Variants in DPP10 observed in about 807,000 individuals in gnomAD.
DPP10 encodes dipeptidyl peptidase like 10, also known as inactive dipeptidyl peptidase 10.
A neutral mutation model predicts 120.9 loss-of-function variants in DPP10; 33 were observed. That is an observed-to-expected ratio of 0.27 (90% CI 0.21 to 0.37). The LOEUF (loss-of-function observed/expected upper bound fraction) is 0.37. DPP10 is among the 10% of genes least tolerant of loss of function. The pLI is 1.00. For synonymous variants in DPP10, 337 were observed against 326.1 expected (o/e 1.03, Z -0.36); for missense variants, 816 against 942.8 (o/e 0.87, Z 1.76).
chr2:114,589,050 A>AGGGGG (rs1435524491), intron 1 of DPP10, among the ~76,000 whole-genome samples: 1 of 105,042 alleles, frequency 9.5e-6, no homozygotes, highest in Admixed American at 9.9e-5. Context: ...GGGGGGGGGT[A>AGGGGG]GGGGACGTAC....
intron 3 of DPP10, among the ~76,000 whole-genome samples, chr2:115,403,702 C>A (rs538107013): frequency 6.6e-6 from 1 of 152,226 alleles, no homozygotes; most frequent in African/African-American, 2.4e-5. Flanking sequence ...CCGTGCCTGG[C>A]CACACCACTT....
intron 21 of DPP10, among the ~76,000 whole-genome samples, chr2:115,819,042 A>C (rs1358049873): frequency 4.6e-5 from 7 of 152,148 alleles, no homozygotes; most frequent in South Asian, 2.1e-4. Context: ...TTTTTTCTTG[A>C]AATGCACTGA....
At chr2:114,939,146 A>G (rs557202356) in intron 1 of DPP10, among the ~76,000 whole-genome samples, 2 of 152,240 alleles carry the variant, frequency 1.3e-5, no homozygotes, top group East Asian at 3.9e-4. Context: ...CATTATTAAG[A>G]CAGTTATAAG....
intron 1 of DPP10, among the ~76,000 whole-genome samples, chr2:114,674,039 C>A (rs1230911784): frequency 2.0e-5 from 3 of 151,852 alleles, no homozygotes; most frequent in Admixed American, 1.3e-4. Context: ...ACTTAAAAAT[C>A]TTTTCATTTT....
At chr2:114,907,034 A>G (rs1351145301) in intron 1 of DPP10, among the ~76,000 whole-genome samples, 1 of 151,840 alleles carries the variant, frequency 6.6e-6, no homozygotes, top group Admixed American at 6.6e-5. Context: ...AGATATTTTA[A>G]TTTTTCTTGA....
chr2:115,413,073 T>A (rs112882313), intron 3 of DPP10, among the ~76,000 whole-genome samples: 3 of 152,064 alleles, frequency 2.0e-5, no homozygotes, highest in African/African-American at 7.2e-5. Flanking sequence ...TCTGTGGGAT[T>A]TGGGATTCTT....
chr2:115,263,614 A>C (rs571892407), intron 1 of DPP10, among the ~76,000 whole-genome samples: 1 of 152,130 alleles, frequency 6.6e-6, no homozygotes, highest in African/African-American at 2.4e-5. Context: ...TTCCAGGGAT[A>C]CATTTGACAT....
chr2:115,241,256 G>A (rs1369598179), intron 1 of DPP10, among the ~76,000 whole-genome samples: 3 of 149,330 alleles, frequency 2.0e-5, no homozygotes, highest in Non-Finnish European at 4.4e-5. Flanking sequence ...GCGACAGAGC[G>A]AGACTCTATC....
intron 1 of DPP10, among the ~76,000 whole-genome samples, chr2:114,743,968 T>G (rs931395146): frequency 6.6e-6 from 1 of 152,128 alleles, no homozygotes; most frequent in Non-Finnish European, 1.5e-5. Flanking sequence ...ATAAGTATTC[T>G]AAGCAAAACC....
At chr2:114,606,919 A>G (rs1014840767) in intron 1 of DPP10, among the ~76,000 whole-genome samples, 3 of 152,168 alleles carry the variant, frequency 2.0e-5, no homozygotes, top group Non-Finnish European at 4.4e-5. Context: ...TGTGAGAATA[A>G]TCATGACTTC....
intron 19 of DPP10, among the ~76,000 whole-genome samples, chr2:115,792,036 A>G (rs1215598441): frequency 1.3e-5 from 2 of 152,180 alleles, no homozygotes; most frequent in Non-Finnish European, 2.9e-5. Flanking sequence ...AGATACAATA[A>G]TTTCTTCAGA....
chr2:115,443,392 T>C (rs952940707), intron 3 of DPP10, among the ~76,000 whole-genome samples: 4 of 152,210 alleles, frequency 2.6e-5, no homozygotes, highest in Non-Finnish European at 4.4e-5. Flanking sequence ...TGTGAAACAC[T>C]GTAGCAGAAT....
intron 3 of DPP10, among the ~76,000 whole-genome samples, chr2:115,411,066 A>G (rs1473703217): frequency 6.6e-6 from 1 of 152,170 alleles, no homozygotes; most frequent in African/African-American, 2.4e-5. Context: ...GCAGTAGCTC[A>G]TGCCTGTAAT....
intron 9 of DPP10, among the ~76,000 whole-genome samples, chr2:115,741,759 A>G (rs1369499224): frequency 6.6e-6 from 1 of 152,128 alleles, no homozygotes; most frequent in African/African-American, 2.4e-5. Flanking sequence ...TTTTATTCAC[A>G]TAGTAAAACC....
At chr2:115,727,332 G>A (rs1226299792) in intron 7 of DPP10, among the ~76,000 whole-genome samples, 1 of 152,092 alleles carries the variant, frequency 6.6e-6, no homozygotes, top group East Asian at 1.9e-4. Flanking sequence ...GGGAATCTGT[G>A]AGCTGAGCTA....
intron 1 of DPP10, among the ~76,000 whole-genome samples, chr2:115,048,331 T>A (rs1278934710): frequency 6.6e-6 from 1 of 152,018 alleles, no homozygotes; most frequent in Non-Finnish European, 1.5e-5. Flanking sequence ...TCCTTCTCAA[T>A]ATATCTTGAA....
intron 3 of DPP10, among the ~76,000 whole-genome samples, chr2:115,384,768 C>G (rs1265470002): frequency 6.6e-6 from 1 of 151,946 alleles, no homozygotes; most frequent in South Asian, 2.1e-4. Flanking sequence ...GAAGAACCTG[C>G]AACTCTTCTG....
In DPP10 at chr2:114,519,263, T is replaced by TC. The variant is rs1486071729; in HGVS notation, c.60+76426dup. The stretch of plus-strand genomic sequence containing the variant: ...GAGAAACTTTGCCAGCCACTGAACT[T>TC]CTCACTGTTTTCCTCATCTTAGCGA... On this transcript the variant is annotated intron_variant, in intron 1 of 25. Coordinates refer to ENST00000410059, the MANE Select transcript of DPP10 (RefSeq NM_020868.6). Among the ~76,000 whole-genome samples, 40 of 152,326 alleles carry TC rather than the reference T, an allele frequency of 2.6e-4. 1 individual carries two copies. Among genetic ancestry groups the TC allele is most frequent in the African/African-American group, 9.1e-4 (38 of 41,574 alleles).
At chr2:115,416,499 T>G (rs2104633680) in intron 3 of DPP10, among the ~76,000 whole-genome samples, 1 of 152,108 alleles carries the variant, frequency 6.6e-6, no homozygotes, top group South Asian at 2.1e-4. Flanking sequence ...GCATGAAAAA[T>G]TATTAGTCCA....
Sources: allele counts gnomAD v4.1 joint callset (sites outside exome capture counted in the v4.1 genomes callset), GRCh38; gene constraint gnomAD v4.1.1; transcripts MANE v1.5; gene names NCBI Gene and HGNC (gene_info 2026-07-23, HGNC 2026-07-21).